The following B3GALT1 variants were observed in gnomAD, a reference collection of about 807,000 sequenced individuals.
The protein encoded by B3GALT1 is UDP-Gal:betaGlcNAc beta 1,3-galactosyltransferase, polypeptide 1.
A neutral mutation model predicts 23.2 loss-of-function variants in B3GALT1; 10 were observed. The ratio of observed to expected loss-of-function variants is 0.43; its 90% CI spans 0.27 to 0.73. The LOEUF is 0.73. B3GALT1 is among the 30% of genes least tolerant of loss of function. The pLI is 0.21. For synonymous variants in B3GALT1, 156 were observed against 141.5 expected (o/e 1.10, Z -0.73); for missense variants, 299 against 405.4 (o/e 0.74, Z 2.25).
At chr2:167,346,813 A>G (rs902701332) in intron 1 of B3GALT1, among the ~76,000 whole-genome samples, 1 of 151,354 alleles carries the variant, frequency 6.6e-6, no homozygotes, top group Non-Finnish European at 1.5e-5. Flanking sequence ...AGTGAGATCT[A>G]ATTTTGGGTC....
At chr2:167,461,325 G>T (rs982542452) in intron 1 of B3GALT1, among the ~76,000 whole-genome samples, 1 of 152,188 alleles carries the variant, frequency 6.6e-6, no homozygotes, top group Admixed American at 6.5e-5. Flanking sequence ...TTGCCATTCA[G>T]TCATCCCTCT....
intron 3 of B3GALT1, among the ~76,000 whole-genome samples, chr2:167,744,513 T>C (rs1315599275): frequency 6.6e-6 from 1 of 152,214 alleles, no homozygotes; most frequent in Non-Finnish European, 1.5e-5. Flanking sequence ...TCCTCAGCTT[T>C]TCCTTGGTTA....
intron 2 of B3GALT1, among the ~76,000 whole-genome samples, chr2:167,540,189 T>C (rs1219702811): frequency 6.6e-6 from 1 of 152,110 alleles, no homozygotes; most frequent in Non-Finnish European, 1.5e-5. Flanking sequence ...AACCAGCTAG[T>C]CCAGGGGTTA....
At chr2:167,329,689 G>A (rs1574035274) in intron 1 of B3GALT1, among the ~76,000 whole-genome samples, 1 of 152,118 alleles carries the variant, frequency 6.6e-6, no homozygotes, top group East Asian at 1.9e-4. Context: ...ATTTCTTGTA[G>A]GGCTGGTCTA....
In B3GALT1 at chr2:167,447,517, G is replaced by T. The variant is rs556705468; in HGVS notation, c.-510-42660G>T. Among the ~76,000 whole-genome samples the T allele has an allele frequency of 3.3e-5, 5 of 152,280 alleles. No individual in the cohort carries two copies. The South Asian group carries it at 8.3e-4, about 25-fold the overall frequency. Reference sequence around the variant, plus strand: ...AGCTGTGGTGGGCTCCACCCAGTTCGAGCTTCCTGGCTGCTTTGTTTACCT... The same window carrying T: ...AGCTGTGGTGGGCTCCACCCAGTTCTAGCTTCCTGGCTGCTTTGTTTACCT... On this transcript the variant is annotated intron_variant, in intron 1 of 4. Coordinates refer to ENST00000392690, the MANE Select transcript of B3GALT1 (RefSeq NM_020981.4).
intron 2 of B3GALT1, among the ~76,000 whole-genome samples, chr2:167,558,636 T>C (rs1683900339): frequency 6.6e-6 from 1 of 152,158 alleles, no homozygotes; most frequent in African/African-American, 2.4e-5. Context: ...GCTTAGGAAA[T>C]GGCGCACCAG....
At chr2:167,777,732 A>G (rs1278926173) in intron 3 of B3GALT1, among the ~76,000 whole-genome samples, 2 of 152,232 alleles carry the variant, frequency 1.3e-5, no homozygotes, top group African/African-American at 4.8e-5. Flanking sequence ...TCTCAATTAC[A>G]ACGTGACATA....
intron 2 of B3GALT1, among the ~76,000 whole-genome samples, chr2:167,634,796 C>T (rs1464311147): frequency 3.3e-5 from 5 of 152,138 alleles, no homozygotes; most frequent in South Asian, 2.1e-4. Context: ...GGTACCATTC[C>T]TTCTGAAACT....
intron 3 of B3GALT1, chr2:167,713,955 G>T (rs1687103278): frequency 6.4e-7 from 1 of 1,562,258 alleles, no homozygotes; most frequent in African/African-American, 1.4e-5. Context: ...GTATCCACTG[G>T]AAACAATGGA....
At chr2:167,317,791 A>G (rs1418710130) in intron 1 of B3GALT1, among the ~76,000 whole-genome samples, 1 of 152,108 alleles carries the variant, frequency 6.6e-6, no homozygotes, top group African/African-American at 2.4e-5. Flanking sequence ...GCAGAATTTA[A>G]TCTTGAGACT....
intron 2 of B3GALT1, among the ~76,000 whole-genome samples, chr2:167,518,349 A>C (rs926207886): frequency 2.0e-5 from 3 of 152,128 alleles, no homozygotes. Flanking sequence ...TTTCTGGCAA[A>C]AGGCTCACAA....
chr2:167,541,429 A>G (rs1402176639), intron 2 of B3GALT1, among the ~76,000 whole-genome samples: 1 of 152,090 alleles, frequency 6.6e-6, no homozygotes, highest in Non-Finnish European at 1.5e-5. Context: ...TTTTCTTTGT[A>G]CCACTTTTTT....
chr2:167,848,699 A>G (rs1013638980), intron 4 of B3GALT1, among the ~76,000 whole-genome samples: 1 of 152,148 alleles, frequency 6.6e-6, no homozygotes, highest in Non-Finnish European at 1.5e-5. Flanking sequence ...AAAGATGCCC[A>G]CTCTTACCAC....
intron 3 of B3GALT1, among the ~76,000 whole-genome samples, chr2:167,737,636 A>G (rs1451207519): frequency 6.6e-6 from 1 of 152,242 alleles, no homozygotes; most frequent in Non-Finnish European, 1.5e-5. Context: ...GTCTTCAGAC[A>G]TTTGGAGAAC....
intron 3 of B3GALT1, among the ~76,000 whole-genome samples, chr2:167,712,385 T>C (rs1370986372): frequency 2.7e-5 from 4 of 150,918 alleles, no homozygotes; most frequent in South Asian, 4.2e-4. Context: ...GGAATAAAAA[T>C]AATGTGGAAT....
rs1698940685 is a variant in B3GALT1 at position 167,444,021 on chromosome 2, T to C, written c.-510-46156T>C. 2.0e-5 allele frequency among the ~76,000 whole-genome samples: 3 copies of C among 151,966 alleles called. No individual in the cohort carries two copies. The South Asian group carries it at 6.2e-4, about 31-fold the overall frequency. ...CTGTGGGTTTGTTTTAGATAGCTCT[T>C]ATTATTTTGAGATACATCCCATCAA... On this transcript the variant is annotated intron_variant, in intron 1 of 4. Coordinates refer to ENST00000392690, the MANE Select transcript of B3GALT1 (RefSeq NM_020981.4).
chr2:167,848,686 G>C (rs1405421680), intron 4 of B3GALT1, among the ~76,000 whole-genome samples: 1 of 152,172 alleles, frequency 6.6e-6, no homozygotes, highest in African/African-American at 2.4e-5. Flanking sequence ...ACTGGAACAA[G>C]ACAAAGATGC....
intron 2 of B3GALT1, among the ~76,000 whole-genome samples, chr2:167,524,378 A>T (rs1419285170): frequency 2.0e-5 from 3 of 152,182 alleles, no homozygotes; most frequent in Non-Finnish European, 4.4e-5. Flanking sequence ...TCTTTATAAC[A>T]TGAAAACACT....
intron 1 of B3GALT1, among the ~76,000 whole-genome samples, chr2:167,423,722 C>T (rs1469355737): frequency 2.6e-5 from 4 of 152,140 alleles, no homozygotes; most frequent in African/African-American, 9.7e-5. Context: ...CTAGATATAG[C>T]AATCCCTCTA....
Sources: allele counts gnomAD v4.1 joint callset (sites outside exome capture counted in the v4.1 genomes callset), GRCh38; gene constraint gnomAD v4.1.1; transcripts MANE v1.5; gene names NCBI Gene and HGNC (gene_info 2026-07-23, HGNC 2026-07-21).